The following TENM4 variants were observed in gnomAD, a reference collection of about 807,000 sequenced individuals.
TENM4 encodes teneurin transmembrane protein 4.
A neutral mutation model predicts 243.3 loss-of-function variants in TENM4; 82 were observed. The ratio of observed to expected loss-of-function variants is 0.34; its 90% CI spans 0.28 to 0.40. The LOEUF (loss-of-function observed/expected upper bound fraction) is 0.40. TENM4 is among the 10% of genes least tolerant of loss of function. TENM4 has a pLI of 1.00. For missense variants in TENM4, 3,138 were observed against 3,673.3 expected (o/e 0.85, Z 3.77); for synonymous variants, 1,412 against 1,456.3 (o/e 0.97, Z 0.69).
intron 4 of TENM4, among the ~76,000 whole-genome samples, chr11:79,121,636 C>A (rs1421054422): frequency 6.6e-6 from 1 of 152,190 alleles, no homozygotes; most frequent in Non-Finnish European, 1.5e-5. Context: ...TTCCTCTGAG[C>A]AAGTAGTGTC....
chr11:78,816,772 G>A (rs559055097), intron 12 of TENM4, among the ~76,000 whole-genome samples: 1 of 152,324 alleles, frequency 6.6e-6, no homozygotes, highest in Non-Finnish European at 1.5e-5. Context: ...TTAAATGAAT[G>A]TTACTACATT....
At chr11:79,146,037 T>A (rs763454318) in intron 4 of TENM4, among the ~76,000 whole-genome samples, 1 of 152,068 alleles carries the variant, frequency 6.6e-6, no homozygotes, top group Non-Finnish European at 1.5e-5. Flanking sequence ...AGACCTTTGT[T>A]GAGTATATGG....
chr11:79,059,578 T>C (rs1218479303), intron 6 of TENM4, among the ~76,000 whole-genome samples: 1 of 152,248 alleles, frequency 6.6e-6, no homozygotes, highest in African/African-American at 2.4e-5. Context: ...GCTGTTTTTG[T>C]AATTTTTTAT....
chr11:79,431,446 T>C (rs1462250210), intron 1 of TENM4, among the ~76,000 whole-genome samples: 4 of 152,216 alleles, frequency 2.6e-5, no homozygotes, highest in African/African-American at 7.2e-5. Flanking sequence ...CTCTGATTAT[T>C]TTCTTTGGCT....
rs56973257 is a variant in TENM4 at position 78,942,259 on chromosome 11, C to CAAAAAAAA, written c.494-38744_494-38737dup. The stretch of plus-strand genomic sequence containing the variant: ...TGAAACCCATCTCTACAAAATACAC[C>CAAAAAAAA]AAAAAAAAAAAAAAAAAAAAAAAAA... On this transcript the variant is annotated intron_variant, in intron 6 of 33. Coordinates refer to ENST00000278550, the MANE Select transcript of TENM4 (RefSeq NM_001098816.3). 5.3e-4 allele frequency among the ~76,000 whole-genome samples: 6 copies of CAAAAAAAA among 11,218 alleles called. 1 individual carries two copies. The highest frequency in any genetic ancestry group is 1.0e-3 in the Non-Finnish European group (6 of 5,974). 7.4% of individuals were successfully genotyped at this position (11,218 alleles called of 152,430 possible).
chr11:79,210,004 G>T (rs571689107), intron 3 of TENM4, among the ~76,000 whole-genome samples: 10 of 152,332 alleles, frequency 6.6e-5, no homozygotes, highest in South Asian at 2.1e-4. Context: ...CCAAGCCATA[G>T]TAAGAGTTCA....
chr11:79,258,647 C>A (rs988626903), intron 2 of TENM4, among the ~76,000 whole-genome samples: 1 of 152,196 alleles, frequency 6.6e-6, no homozygotes, highest in African/African-American at 2.4e-5. Context: ...ACAGTGAATG[C>A]ATTAAATACC....
intron 7 of TENM4, among the ~76,000 whole-genome samples, chr11:78,902,711 G>A (rs983135853): frequency 6.6e-6 from 1 of 152,232 alleles, no homozygotes; most frequent in African/African-American, 2.4e-5. Context: ...ATGTATACAT[G>A]CTAGGGGTTA....
intron 19 of TENM4, among the ~76,000 whole-genome samples, chr11:78,739,640 A>C (rs1401855183): frequency 1.3e-5 from 2 of 152,102 alleles, no homozygotes; most frequent in Admixed American, 1.3e-4. Flanking sequence ...TTAAACATTC[A>C]GAAACAGAAA....
intron 2 of TENM4, among the ~76,000 whole-genome samples, chr11:79,241,569 T>G (rs1855417976): frequency 6.6e-6 from 1 of 152,192 alleles, no homozygotes; most frequent in Admixed American, 6.5e-5. Flanking sequence ...GGCTTGATAG[T>G]ACTTAAATCA....
intron 19 of TENM4, among the ~76,000 whole-genome samples, chr11:78,743,711 A>G (rs1179175989): frequency 6.6e-6 from 1 of 152,156 alleles, no homozygotes; most frequent in African/African-American, 2.4e-5. Context: ...ACCACCTGTG[A>G]TCTGAAAAAC....
Position 78,722,831 on chromosome 11 carries a change from T to C in TENM4, c.3637A>G (p.Arg1213Gly). Residue 1213 changes from arginine to glycine, a missense_variant, in exon 24 of 34, where the codon AGA becomes GGA. This residue lies in a region of TENM4 where 2,467 missense variants were observed against 3,059.1 expected (regional missense o/e 0.81). Transcript: ENST00000278550. ...TTGCAGCTGGGGCAGGAGATGCTTC[T>C]CCGGCGCCCATTGCCCATGATGCTC... ...IGSIMGNGRR[R>G]SISCPSCNGL... 6.2e-7 allele frequency: 1 copy of C among 1,614,048 alleles called. No homozygotes were observed. The highest frequency in any genetic ancestry group is 8.5e-7 in the Non-Finnish European group (1 of 1,179,898).
chr11:79,368,278 C>G (rs1409328078), intron 1 of TENM4, among the ~76,000 whole-genome samples: 2 of 152,198 alleles, frequency 1.3e-5, no homozygotes, highest in Admixed American at 1.3e-4. Context: ...AATAAGCCAG[C>G]AAGTGAAACC....
intron 2 of TENM4, among the ~76,000 whole-genome samples, chr11:79,292,783 G>C (rs1250482752): frequency 1.3e-5 from 2 of 152,202 alleles, no homozygotes; most frequent in Non-Finnish European, 2.9e-5. Flanking sequence ...ACTCTTTAAG[G>C]TCTTTTCTTT....
At chr11:79,262,112 G>A (rs933053260) in intron 2 of TENM4, among the ~76,000 whole-genome samples, 2 of 152,172 alleles carry the variant, frequency 1.3e-5, no homozygotes, top group Non-Finnish European at 2.9e-5. Flanking sequence ...TACCCATCAC[G>A]TGCCAGGCGC....
intron 1 of TENM4, among the ~76,000 whole-genome samples, chr11:79,360,577 A>G (rs1475315139): frequency 3.3e-5 from 5 of 152,188 alleles, no homozygotes; most frequent in Non-Finnish European, 7.3e-5. Context: ...GAAAATTGTC[A>G]TTTGTGCCAG....
intron 3 of TENM4, among the ~76,000 whole-genome samples, chr11:79,197,308 C>G (rs1590786799): frequency 6.6e-6 from 1 of 151,874 alleles, no homozygotes; most frequent in African/African-American, 2.4e-5. Flanking sequence ...AGCTGAGCTT[C>G]CCAACCCTGG....
At chr11:78,766,598 G>A (rs11825138) in intron 18 of TENM4, among the ~76,000 whole-genome samples, 38,087 of 151,894 alleles carry the variant, frequency 0.25, 6,386 homozygotes, top group African/African-American at 0.47. Flanking sequence ...ATCGAGTCAC[G>A]TGAGGGATCT....
chr11:78,778,209 T>C (rs1473117735), intron 17 of TENM4, among the ~76,000 whole-genome samples: 1 of 151,960 alleles, frequency 6.6e-6, no homozygotes, highest in South Asian at 2.1e-4. Context: ...GTCTCTTCCT[T>C]TCTCAGGCCA....
Sources: allele counts gnomAD v4.1 joint callset (sites outside exome capture counted in the v4.1 genomes callset), GRCh38; gene constraint gnomAD v4.1.1; regional missense constraint gnomAD v4.1.1; transcripts MANE v1.5; gene names NCBI Gene and HGNC (gene_info 2026-07-23, HGNC 2026-07-21).